Variants in ACTL6B observed in about 807,000 individuals in gnomAD.
ACTL6B encodes the protein actin like 6B.
Under a neutral mutation model 63.3 loss-of-function variants are expected in ACTL6B, and 48 were observed. The ratio of observed to expected loss-of-function variants is 0.76; its 90% CI spans 0.60 to 0.96. The LOEUF (loss-of-function observed/expected upper bound fraction) is 0.96, where lower values mean the gene tolerates loss of function less well. Ranked by LOEUF, ACTL6B falls within the 50% of genes least tolerant of loss-of-function variation. The pLI is 0.00. For missense variants in ACTL6B, 350 were observed against 572.2 expected, an observed-to-expected ratio of 0.61 and a Z score of 3.96; for synonymous variants, 230 against 223.8, an observed-to-expected ratio of 1.03 and a Z score of -0.25.
intron 4 of ACTL6B, among the ~76,000 whole-genome samples, chr7:100,652,881 G>A (rs1035154799): frequency 6.1e-4 from 92 of 150,610 alleles, no homozygotes; most frequent in African/African-American, 2.2e-3. Context: ...CGCACCTGTA[G>A]TCCCAGCTAC....
In ACTL6B at chr7:100,646,316, A is replaced by G. The variant is rs754537472; in HGVS notation, c.1133T>C (p.Ile378Thr). The G allele has an allele frequency of 2.5e-6, 4 of 1,613,934 alleles. No individual in the cohort carries two copies. Among genetic ancestry groups the G allele is most frequent in the Non-Finnish European group, 3.4e-6 (4 of 1,179,916 alleles). The part of the protein sequence containing the change: ...KTPPSMRLKL[I>T]ASNSTMERKF... ...GCGCTCCATGGTGCTGTTGCTGGCA[A>G]TGAGTTTCAGTCGCATGCTCTGGGG... Residue 378 changes from isoleucine to threonine, a missense_variant, in exon 13 of 14, where the codon ATT (isoleucine) becomes ACT (threonine). Ile to Thr is a moderately conservative substitution (Grantham distance 89). Coordinates refer to ENST00000160382, the MANE Select transcript of ACTL6B (RefSeq NM_016188.5). This position sits in a 1 kb window ranked among gnomAD's most constrained non-coding sequence, Gnocchi z 6.1.
chr7:100,655,010 G>T lies in ACTL6B; in HGVS notation c.369+9C>A. ...CAGGGTTGGACATGAGGATGGAGGA[G>T]GCACTCACCGGAGCCTCGGACATGA... is the stretch of plus-strand genomic sequence containing the variant. On this transcript the variant is annotated intron_variant, in intron 4 of 13. Transcript: ENST00000160382. The surrounding 1 kb of genome is among the most constrained non-coding windows in gnomAD (Gnocchi z 4.4). 2 of 1,610,440 alleles carry T rather than the reference G, an allele frequency of 1.2e-6. No individual in the cohort carries two copies. Among genetic ancestry groups the T allele is most frequent in the Non-Finnish European group, 1.7e-6 (2 of 1,177,074 alleles).
chr7:100,655,351 G>T lies in ACTL6B; in HGVS notation c.268+70C>A. ...AAGGAAGACTCCGCGGGGAGTGGGG[G>T]CTGCTATGACCCAGATTGTGGGGAG... On this transcript the variant is annotated intron_variant, in intron 3 of 13. Transcript: ENST00000160382. This position sits in a 1 kb window ranked among gnomAD's most constrained non-coding sequence, Gnocchi z 4.4. 1 of 1,523,840 alleles carries T rather than the reference G, an allele frequency of 6.6e-7. No individual in the cohort carries two copies. The highest frequency in any genetic ancestry group is 8.9e-7 in the Non-Finnish European group (1 of 1,121,078). The allele number at this position is 1,523,840 out of a possible 1,614,324, so 94.4% of individuals were successfully genotyped here.
chr7:100,646,679 G>A lies in ACTL6B; in HGVS notation c.1018-33C>T, dbSNP rs750177573. ...CAGGGAGAAGGAGTGAGCTGCGGGG[G>A]CAGCCCCCCAACCCCGTCTCCCCAC... is the stretch of plus-strand genomic sequence containing the variant. On this transcript the variant is annotated intron_variant, in intron 11 of 13. Transcript: ENST00000160382. The surrounding 1 kb of genome is among the most constrained non-coding windows in gnomAD (Gnocchi z 6.1). 2 of 1,613,304 alleles carry A rather than the reference G, an allele frequency of 1.2e-6. No homozygotes were observed. Among genetic ancestry groups the A allele is most frequent in the African/African-American group, 2.7e-5 (2 of 75,046 alleles).
In ACTL6B at chr7:100,646,241, C is replaced by T. The variant is rs201729751; in HGVS notation, c.1200+8G>A. ...AGTCAGTGCTAGGCCAGGTCCCTTT[C>T]CTCTCACCAGTGAGGCCAGGATGGA... On this transcript the variant is annotated splice_region_variant and intron_variant, in intron 13 of 13. Coordinates refer to ENST00000160382, the MANE Select transcript of ACTL6B (RefSeq NM_016188.5). This position sits in a 1 kb window ranked among gnomAD's most constrained non-coding sequence, Gnocchi z 6.1. 1.7e-5 allele frequency: 27 copies of T among 1,613,644 alleles called. No individual in the cohort carries two copies. Among genetic ancestry groups the T allele is most frequent in the Admixed American group, 5.0e-5 (3 of 59,968 alleles).
chr7:100,652,262 G>A (rs1039667147), intron 4 of ACTL6B, among the ~76,000 whole-genome samples: 1 of 152,014 alleles, frequency 6.6e-6, no homozygotes, highest in Non-Finnish European at 1.5e-5. Flanking sequence ...GCCGGGCGTG[G>A]TGGTGGGTGC....
chr7:100,656,424 C>G lies in ACTL6B; in HGVS notation c.-70G>C. 1.6e-6 allele frequency: 2 copies of G among 1,258,014 alleles called. No individual in the cohort carries two copies. The highest frequency in any genetic ancestry group is 2.8e-5 in the South Asian group (1 of 35,288). 77.9% of individuals were successfully genotyped at this position (1,258,014 alleles called of 1,614,324 possible). ...AGCACCGAGGCGGCCGGACAGCTCCCGGGATCCCTGGCGGGGCGGGACTCT... is the reference window on the plus strand; with the variant it reads ...AGCACCGAGGCGGCCGGACAGCTCCGGGGATCCCTGGCGGGGCGGGACTCT... On this transcript the variant is annotated 5_prime_UTR_variant, in exon 1 of 14. Coordinates refer to ENST00000160382, the MANE Select transcript of ACTL6B (RefSeq NM_016188.5).
At chr7:100,653,909 C>T (rs1584471045) in intron 4 of ACTL6B, among the ~76,000 whole-genome samples, 1 of 152,066 alleles carries the variant, frequency 6.6e-6, no homozygotes, top group Middle Eastern at 3.4e-3. Context: ...AGGAGAAAAA[C>T]AGTTGCTTTT....
intron 4 of ACTL6B, among the ~76,000 whole-genome samples, chr7:100,650,602 C>T (rs781509384): frequency 4.6e-5 from 7 of 151,878 alleles, no homozygotes; most frequent in Non-Finnish European, 8.8e-5. Context: ...TTTGGGAGGC[C>T]GAGGCAGGAG....
At chr7:100,654,431 C>CAATAAT (rs1562850776) in intron 4 of ACTL6B, among the ~76,000 whole-genome samples, 120 of 103,322 alleles carry the variant, frequency 1.2e-3, no homozygotes, top group African/African-American at 2.3e-3. Flanking sequence ...CCAAAGTTGA[C>CAATAAT]CATAATAATA....
chr7:100,656,406 A>G lies in ACTL6B; in HGVS notation c.-52T>C. 7.9e-7 allele frequency: 1 copy of G among 1,269,234 alleles called. No individual in the cohort carries two copies. 78.6% of individuals were successfully genotyped at this position (1,269,234 alleles called of 1,614,324 possible). ...GTGGGCGGTGGCGGGATCAGCACCG[A>G]GGCGGCCGGACAGCTCCCGGGATCC... On this transcript the variant is annotated 5_prime_UTR_variant, in exon 1 of 14. Coordinates refer to ENST00000160382, the MANE Select transcript of ACTL6B (RefSeq NM_016188.5).
At position 100,648,350 on chromosome 7, in the gene ACTL6B, T is replaced by C. The variant is rs1006679502; in HGVS notation, c.669+206A>G. ...CCACACTGGCCCTCACACATCCTGC[T>C]GTCTGCCAGCTGGTTTCATGACCTC... On this transcript the variant is annotated intron_variant, in intron 7 of 13. Coordinates refer to ENST00000160382, the MANE Select transcript of ACTL6B (RefSeq NM_016188.5). The surrounding 1 kb of genome is among the most constrained non-coding windows in gnomAD (Gnocchi z 4.4). 2 of 521,112 alleles carry C rather than the reference T, an allele frequency of 3.8e-6. No homozygotes were observed. Among genetic ancestry groups the C allele is most frequent in the African/African-American group, 1.9e-5 (1 of 51,978 alleles). 32.3% of individuals were successfully genotyped at this position (521,112 alleles called of 1,614,324 possible).
Position 100,655,438 on chromosome 7 carries a change from G to T in ACTL6B, c.251C>A (p.Pro84His). 6.2e-7 allele frequency: 1 copy of T among 1,614,048 alleles called. No homozygotes were observed. The highest frequency in any genetic ancestry group is 8.5e-7 in the Non-Finnish European group (1 of 1,179,988). The change falls in exon 3 of 14, where the codon CCC (proline) becomes CAC (histidine). Residue 84 changes from proline to histidine, a missense_variant. Transcript: ENST00000160382. This position sits in a 1 kb window ranked among gnomAD's most constrained non-coding sequence, Gnocchi z 4.4. ...VPRDGAEVMS[P>H]LKNGMIEDWE... The stretch of plus-strand genomic sequence containing the variant: ...CCCCTTACTCATGCCATTCTTGAGG[G>T]GCGACATGACCTCCGCTCCATCCCG...
At position 100,655,985 on chromosome 7, in the gene ACTL6B, C is replaced by G. The variant is rs1804032799; in HGVS notation, c.26-106G>C. 7 of 1,190,282 alleles carry G rather than the reference C, an allele frequency of 5.9e-6. No individual in the cohort carries two copies. The highest frequency in any genetic ancestry group is 5.9e-6 in the Non-Finnish European group (5 of 852,222). The allele number at this position is 1,190,282 out of a possible 1,614,324, so 73.7% of individuals were successfully genotyped here. On this transcript the variant is annotated intron_variant, in intron 1 of 13. Transcript: ENST00000160382. This position sits in a 1 kb window ranked among gnomAD's most constrained non-coding sequence, Gnocchi z 4.4. ...AGCCACAGTCTCGCCACTTTCAACA[C>G]CAGTCTGGGGCCGGTGGGAGCTGGG...
rs762970544 is a variant in ACTL6B, at chr7:100,646,690, AC to A, written c.1018-45del. ...AGTGAGCTGCGGGGGCAGCCCCCCA[AC>A]CCCGTCTCCCCACTTCCCCTGGGCC... is the stretch of plus-strand genomic sequence containing the variant. On this transcript the variant is annotated intron_variant, in intron 11 of 13. Transcript: ENST00000160382. The surrounding 1 kb of genome is among the most constrained non-coding windows in gnomAD (Gnocchi z 6.1). 6.2e-7 allele frequency: 1 copy of A among 1,612,680 alleles called. No homozygotes were observed. The highest frequency in any genetic ancestry group is 1.1e-5 in the South Asian group (1 of 91,040).
chr7:100,647,639 T>C lies in ACTL6B; in HGVS notation c.670-106A>G. The C allele has an allele frequency of 1.2e-6, 1 of 815,884 alleles. No individual in the cohort carries two copies. The highest frequency in any genetic ancestry group is 2.0e-6 in the Non-Finnish European group (1 of 509,330). 50.5% of individuals were successfully genotyped at this position (815,884 alleles called of 1,614,324 possible). On this transcript the variant is annotated intron_variant, in intron 7 of 13. Transcript: ENST00000160382. This position sits in a 1 kb window ranked among gnomAD's most constrained non-coding sequence, Gnocchi z 4.4. The stretch of plus-strand genomic sequence containing the variant: ...TGCAGCTACCTGGCGCTGCAGGCTC[T>C]GCTGTGCTGCCTGCAAGAGGGGTTT...
In ACTL6B at chr7:100,643,203, C is replaced by T. The variant is rs766616443; in HGVS notation, c.*43G>A. ...GCAATGTGGCATGGGGGTTAAGGGA[C>T]TTCCATCTGAGCTTGGGAGCAGGTG... On this transcript the variant is annotated 3_prime_UTR_variant, in exon 14 of 14. Transcript: ENST00000160382. 10 of 1,596,432 alleles carry T rather than the reference C, an allele frequency of 6.3e-6. No individual in the cohort carries two copies. The East Asian group carries it at 1.6e-4, about 25-fold the overall frequency.
chr7:100,656,252 G>A (rs1315040273), intron 1 of ACTL6B, 78 bp downstream of exon 1: 2 of 1,345,270 alleles, frequency 1.5e-6, no homozygotes, highest in African/African-American at 1.5e-5. Flanking sequence ...GACAGGCCCC[G>A]GGGTGCCCAG....
Position 100,655,309 on chromosome 7 carries a change from A to C in ACTL6B, c.268+112T>G, listed in dbSNP as rs1697155077. On this transcript the variant is annotated intron_variant, in intron 3 of 13. Transcript: ENST00000160382. This position sits in a 1 kb window ranked among gnomAD's most constrained non-coding sequence, Gnocchi z 4.4. The stretch of plus-strand genomic sequence containing the variant: ...CAGCGAGAAGAACCCTGGCAGCCAG[A>C]AGAACCCTGGGGCTGCAAGGAAGAC... 7.3e-7 allele frequency: 1 copy of C among 1,366,032 alleles called. No homozygotes were observed. Among genetic ancestry groups the C allele is most frequent in the Non-Finnish European group, 1.0e-6 (1 of 995,438 alleles). The allele number at this position is 1,366,032 out of a possible 1,614,324, so 84.6% of individuals were successfully genotyped here.
Sources: allele counts gnomAD v4.1 joint callset (sites outside exome capture counted in the v4.1 genomes callset), GRCh38; gene constraint gnomAD v4.1.1; non-coding constraint Gnocchi (gnomAD v3.1); transcripts MANE v1.5; gene names NCBI Gene and HGNC (gene_info 2026-07-23, HGNC 2026-07-21).